The following GRAMD4 variants were observed in gnomAD, a reference collection of about 807,000 sequenced individuals.
GRAMD4 encodes the protein GRAM domain containing 4, also known as GRAM domain-containing protein 4.
Under a neutral mutation model 83.9 loss-of-function variants are expected in GRAMD4, and 25 were observed. That is an observed-to-expected ratio of 0.30 (90% CI 0.22 to 0.42). The LOEUF (loss-of-function observed/expected upper bound fraction) is 0.42. Ranked by LOEUF, GRAMD4 falls within the 10% of genes least tolerant of loss-of-function variation. The pLI is 1.00. For synonymous variants in GRAMD4, 336 were observed against 320.9 expected (o/e 1.05, Z -0.50); for missense variants, 593 against 788.7 (o/e 0.75, Z 2.97).
At chr22:46,583,873 G>GC (rs1958798716) in intron 1 of GRAMD4, among the ~76,000 whole-genome samples, 1 of 152,210 alleles carries the variant, frequency 6.6e-6, no homozygotes, top group Non-Finnish European at 1.5e-5. Context: ...ACTACACGCG[G>GC]CCACACTTAA....
chr22:46,589,396 C>T (rs1465298535), intron 1 of GRAMD4, among the ~76,000 whole-genome samples: 2 of 128,220 alleles, frequency 1.6e-5, no homozygotes, highest in African/African-American at 3.1e-5. Context: ...ATGGGGGAGC[C>T]GTGGGTGTGA....
At chr22:46,633,399 G>A (rs1431455809) in intron 2 of GRAMD4, among the ~76,000 whole-genome samples, 1 of 152,224 alleles carries the variant, frequency 6.6e-6, no homozygotes, top group Non-Finnish European at 1.5e-5. Flanking sequence ...TAATGAAGGT[G>A]GGGACTTGGA....
At chr22:46,646,186 G>A (rs574230404) in intron 3 of GRAMD4, among the ~76,000 whole-genome samples, 1 of 152,338 alleles carries the variant, frequency 6.6e-6, no homozygotes, top group East Asian at 1.9e-4. Flanking sequence ...CTGGGCATGG[G>A]TACCCTCGTA....
In GRAMD4 at chr22:46,675,572, C is replaced by G; in HGVS notation, c.1563+20C>G. The G allele has an allele frequency of 6.9e-7, 1 of 1,456,196 alleles. No individual in the cohort carries two copies. 90.2% of individuals were successfully genotyped at this position (1,456,196 alleles called of 1,614,324 possible). On this transcript the variant is annotated intron_variant, in intron 17 of 18. Transcript: ENST00000406902. ...CAGAAGGTTGGTGCACCTACCCACC[C>G]CCACTAACCCCCGTGTTTTCTTCGT...
Position 46,679,369 on chromosome 22 carries a change from C to T in GRAMD4, c.*2118C>T. The T allele has an allele frequency of 1.0e-6, 1 of 985,414 alleles. No homozygotes were observed. The highest frequency in any genetic ancestry group is 4.7e-5 in the South Asian group (1 of 21,288). The allele number at this position is 985,414 out of a possible 1,614,324, so 61.0% of individuals were successfully genotyped here. ...TGGCCGAAGCCCCCAGGGAGGGCCA[C>T]ATTCGGGGAGCGGGGGGTCGGGGGA... On this transcript the variant is annotated 3_prime_UTR_variant, in exon 19 of 19. Coordinates refer to ENST00000406902, the MANE Select transcript of GRAMD4 (RefSeq NM_015124.5).
At chr22:46,584,868 C>G (rs372345715) in intron 1 of GRAMD4, among the ~76,000 whole-genome samples, 3 of 152,204 alleles carry the variant, frequency 2.0e-5, no homozygotes, top group African/African-American at 7.2e-5. Flanking sequence ...TCCCAGAGTC[C>G]GGCCTCCTCG....
At chr22:46,604,762 G>A (rs534473113) in intron 1 of GRAMD4, among the ~76,000 whole-genome samples, 1 of 152,220 alleles carries the variant, frequency 6.6e-6, no homozygotes, top group Admixed American at 6.5e-5. Context: ...TGTTCTGTGG[G>A]TTCACCCAGG....
In GRAMD4 at chr22:46,678,027, G is replaced by A; in HGVS notation, c.*776G>A. 1 of 985,752 alleles carries A rather than the reference G, an allele frequency of 1.0e-6. No individual in the cohort carries two copies. Among genetic ancestry groups the A allele is most frequent in the Non-Finnish European group, 1.2e-6 (1 of 830,154 alleles). 61.1% of individuals were successfully genotyped at this position (985,752 alleles called of 1,614,324 possible). On this transcript the variant is annotated 3_prime_UTR_variant, in exon 19 of 19. Coordinates refer to ENST00000406902, the MANE Select transcript of GRAMD4 (RefSeq NM_015124.5). ...GCCGGCCAGGAGGTCTGTAGCTGGG[G>A]ACCAGTAAGGGCACAGGATGGTGCA...
At chr22:46,666,705 ATAGAAGGACC>A (rs2082414308) in intron 9 of GRAMD4, 110 bp from the exon 10 acceptor site, 5 of 815,588 alleles carry the variant, frequency 6.1e-6, no homozygotes, top group Non-Finnish European at 1.1e-5. Context: ...ATTGGGCAGC[ATAGAAGGACC>A]TAGAAGGGCC....
chr22:46,598,184 G>A (rs1240939435), intron 1 of GRAMD4, among the ~76,000 whole-genome samples: 1 of 151,968 alleles, frequency 6.6e-6, no homozygotes, highest in Admixed American at 6.6e-5. Flanking sequence ...GTTTCTCCAT[G>A]TTGGCCAGGC....
chr22:46,585,946 A>T (rs2081145621), intron 1 of GRAMD4, among the ~76,000 whole-genome samples: 2 of 152,194 alleles, frequency 1.3e-5, no homozygotes, highest in Non-Finnish European at 2.9e-5. Flanking sequence ...ACTGAGGTTC[A>T]GCCACGTCTT....
At position 46,621,948 on chromosome 22, in the gene GRAMD4, G is replaced by C. The variant is rs2081582300; in HGVS notation, c.-50+1383G>C. On this transcript the variant is annotated intron_variant, in intron 1 of 18. Transcript: ENST00000406902. The surrounding 1 kb of genome is among the most constrained non-coding windows in gnomAD (Gnocchi z 5.8). ...GGTGGAGTCAGTGGGGCTGAGAGCA[G>C]GGTCGTCTAGGACCCTGATGTGTGG... is the stretch of plus-strand genomic sequence containing the variant. 6.6e-6 allele frequency among the ~76,000 whole-genome samples: 1 copy of C among 152,216 alleles called. No homozygotes were observed. The highest frequency in any genetic ancestry group is 1.5e-5 in the Non-Finnish European group (1 of 68,038).
intron 17 of GRAMD4, among the ~76,000 whole-genome samples, chr22:46,675,985 G>C (rs527988557): frequency 1.3e-5 from 2 of 152,356 alleles, no homozygotes; most frequent in African/African-American, 4.8e-5. Flanking sequence ...GCAGGTGGGC[G>C]TGGCCACAAG....
chr22:46,582,324 G>T (rs1394522314), intron 1 of GRAMD4, among the ~76,000 whole-genome samples: 2 of 152,084 alleles, frequency 1.3e-5, no homozygotes, highest in African/African-American at 4.8e-5. Context: ...GAAGCTGAAT[G>T]CTGGGCAGCG....
At chr22:46,616,591 T>C (rs1191361036), upstream of GRAMD4, among the ~76,000 whole-genome samples, 13 of 130,146 alleles carry the variant, frequency 1.0e-4, no homozygotes, top group Admixed American at 3.1e-4. Flanking sequence ...TGCGTGCAGG[T>C]TCCCCTGTGT....
chr22:46,615,050 CGTGTAGGTTCCCCCGTGTGT>C (rs2081462364), intron 1 of GRAMD4, among the ~76,000 whole-genome samples: 1 of 32,380 alleles, frequency 3.1e-5, no homozygotes, highest in Non-Finnish European at 6.3e-5. Context: ...TTCCCCTGTG[CGTGTAGGTTCCCCCGTGTGT>C]AGGTTCCCCT....
intron 2 of GRAMD4, among the ~76,000 whole-genome samples, chr22:46,635,526 C>T (rs149112171): frequency 0.014 from 455 of 32,712 alleles, 15 homozygotes; most frequent in Middle Eastern, 0.036. Flanking sequence ...CCCCCGCCCC[C>T]GGCCACTCCT....
chr22:46,607,204 A>G (rs1185806994), intron 1 of GRAMD4, among the ~76,000 whole-genome samples: 1 of 146,158 alleles, frequency 6.8e-6, no homozygotes, highest in Non-Finnish European at 1.5e-5. Context: ...TGTCTTTAAA[A>G]AGGGGGGGGT....
chr22:46,616,479 C>T (rs1445088263), upstream of GRAMD4, among the ~76,000 whole-genome samples: 6 of 102,244 alleles, frequency 5.9e-5, no homozygotes, highest in South Asian at 7.4e-4. Flanking sequence ...TTCCCCTGTG[C>T]GTGTCGGTTC....
Sources: allele counts gnomAD v4.1 joint callset (sites outside exome capture counted in the v4.1 genomes callset), GRCh38; gene constraint gnomAD v4.1.1; non-coding constraint Gnocchi (gnomAD v3.1); transcripts MANE v1.5; gene names NCBI Gene and HGNC (gene_info 2026-07-23, HGNC 2026-07-21).